Variants in TBCA observed in about 807,000 individuals in gnomAD.
TBCA encodes the protein tubulin-specific chaperone A.
Under a neutral mutation model 15.8 loss-of-function variants are expected in TBCA, and 6 were observed. The ratio of observed to expected loss-of-function variants is 0.38; its 90% CI spans 0.21 to 0.75. The LOEUF is 0.75. Ranked by LOEUF, TBCA falls within the 30% of genes least tolerant of loss-of-function variation. The probability of loss-of-function intolerance (pLI) is 0.46; values close to 1 mark genes in which losing one functional copy is unlikely to be tolerated. For missense variants in TBCA, 90 were observed against 131.2 expected, an observed-to-expected ratio of 0.69 and a Z score of 1.53; for synonymous variants, 32 against 42.3, an observed-to-expected ratio of 0.76 and a Z score of 0.94.
chr5:77,769,852 G>A (rs1420513474), intron 1 of TBCA, among the ~76,000 whole-genome samples: 3 of 152,134 alleles, frequency 2.0e-5, no homozygotes, highest in Admixed American at 6.6e-5. Flanking sequence ...ATCTACTGGT[G>A]TCACTTTCAT....
At chr5:77,739,520 C>A (rs1244442209) in intron 1 of TBCA, among the ~76,000 whole-genome samples, 1 of 152,168 alleles carries the variant, frequency 6.6e-6, no homozygotes, top group Non-Finnish European at 1.5e-5. Context: ...TGGCTGGATC[C>A]TTCCTCTTCC....
chr5:77,769,032 T>C (rs568673282), intron 1 of TBCA, among the ~76,000 whole-genome samples: 93 of 152,318 alleles, frequency 6.1e-4, no homozygotes, highest in African/African-American at 2.2e-3. Flanking sequence ...ATACCTTGTG[T>C]TGGGAAAACT....
chr5:77,720,273 A>G (rs1746498013), intron 1 of TBCA, among the ~76,000 whole-genome samples: 1 of 152,162 alleles, frequency 6.6e-6, no homozygotes. Flanking sequence ...AAAGTTCTGC[A>G]TGTGAGGGGT....
intron 1 of TBCA, among the ~76,000 whole-genome samples, chr5:77,710,274 C>T (rs1468698617): frequency 6.6e-6 from 1 of 152,120 alleles, no homozygotes; most frequent in African/African-American, 2.4e-5. Flanking sequence ...ACAACAGAAA[C>T]ATGTGAATGT....
chr5:77,738,080 G>T (rs1232029959), intron 1 of TBCA, among the ~76,000 whole-genome samples: 1 of 152,154 alleles, frequency 6.6e-6, no homozygotes, highest in Non-Finnish European at 1.5e-5. Context: ...AGGCATGAAG[G>T]CTTAAGCTCT....
intron 1 of TBCA, among the ~76,000 whole-genome samples, chr5:77,712,244 T>A (rs1164868918): frequency 6.6e-6 from 1 of 152,204 alleles, no homozygotes; most frequent in Non-Finnish European, 1.5e-5. Context: ...ATTTCCTACT[T>A]CTTGGCATCC....
intron 1 of TBCA, among the ~76,000 whole-genome samples, chr5:77,750,056 C>T (rs1747281507): frequency 6.6e-6 from 1 of 151,378 alleles, no homozygotes; most frequent in Non-Finnish European, 1.5e-5. Context: ...GAGGGTTTCT[C>T]AGCTGGGTGG....
At chr5:77,762,010 G>A (rs1044369726) in intron 1 of TBCA, among the ~76,000 whole-genome samples, 3 of 152,176 alleles carry the variant, frequency 2.0e-5, no homozygotes, top group Non-Finnish European at 2.9e-5. Flanking sequence ...CCAGGAAAAC[G>A]GAATGCCTTT....
At chr5:77,724,741 A>G (rs1746594437) in intron 1 of TBCA, among the ~76,000 whole-genome samples, 1 of 152,176 alleles carries the variant, frequency 6.6e-6, no homozygotes, top group African/African-American at 2.4e-5. Flanking sequence ...CTTTATAAAA[A>G]TTAAAACTAA....
At chr5:77,765,526 T>G (rs147820397) in intron 1 of TBCA, among the ~76,000 whole-genome samples, 7 of 152,224 alleles carry the variant, frequency 4.6e-5, no homozygotes, top group African/African-American at 1.7e-4. Context: ...TTACATGAAG[T>G]CCTTCTAAGA....
chr5:77,747,278 T>A (rs536723547), intron 1 of TBCA, among the ~76,000 whole-genome samples: 1 of 152,238 alleles, frequency 6.6e-6, no homozygotes, highest in East Asian at 1.9e-4. Context: ...ATCGAAGAAC[T>A]ACTACTTTCA....
intron 1 of TBCA, among the ~76,000 whole-genome samples, chr5:77,763,754 A>G (rs1561284968): frequency 1.3e-5 from 2 of 152,304 alleles, no homozygotes; most frequent in African/African-American, 4.8e-5. Context: ...AGCCTCCAGA[A>G]CTTTGAGAAA....
intron 3 of TBCA, 107 bp downstream of exon 3, chr5:77,693,159 A>G (rs1175215167): frequency 6.5e-7 from 1 of 1,540,816 alleles, no homozygotes; most frequent in Non-Finnish European, 8.7e-7. Flanking sequence ...GCAAGTGAAT[A>G]AGAAATACTG....
intron 1 of TBCA, among the ~76,000 whole-genome samples, chr5:77,775,957 C>T (rs933117635): frequency 1.4e-4 from 21 of 152,296 alleles, no homozygotes; most frequent in African/African-American, 5.1e-4. Context: ...GGGCCACCGC[C>T]GACTCTTCCG....
chr5:77,707,169 G>A lies in TBCA; in HGVS notation c.159+1073C>T, dbSNP rs557697944. ...AATGTCACTGATAGTTATAACAAGG[G>A]CTAGGGCACATAGTCCACTCTTACA... On this transcript the variant is annotated intron_variant, in intron 2 of 3. Coordinates refer to ENST00000380377, the MANE Select transcript of TBCA (RefSeq NM_004607.3). Among the ~76,000 whole-genome samples the A allele has an allele frequency of 4.5e-4, 68 of 152,134 alleles. No homozygotes were observed. The South Asian group carries it at 0.013, about 30-fold the overall frequency.
At chr5:77,732,650 G>T (rs1478735758) in intron 1 of TBCA, among the ~76,000 whole-genome samples, 3 of 151,300 alleles carry the variant, frequency 2.0e-5, no homozygotes. Flanking sequence ...TGCTCACTCT[G>T]TGTCTCTTAC....
intron 2 of TBCA, among the ~76,000 whole-genome samples, chr5:77,701,682 C>CATATATATATATATATATAT (rs58679612): frequency 2.0e-5 from 1 of 50,966 alleles, no homozygotes; most frequent in Non-Finnish European, 3.6e-5. Context: ...CTGTGGCATG[C>CATATATATATATATATATAT]ATATATATAT....
intron 2 of TBCA, among the ~76,000 whole-genome samples, chr5:77,700,726 T>C (rs1745992271): frequency 6.6e-6 from 1 of 152,128 alleles, no homozygotes; most frequent in Admixed American, 6.5e-5. Flanking sequence ...CCTATGGAAA[T>C]GAAAACTTAT....
At chr5:77,701,423 T>C (rs755796832) in intron 2 of TBCA, among the ~76,000 whole-genome samples, 6 of 151,852 alleles carry the variant, frequency 4.0e-5, no homozygotes, top group Non-Finnish European at 7.4e-5. Context: ...GATGTTGGTG[T>C]GCATGTGGTG....
Sources: gnomAD v4.1 joint callset for allele counts (sites outside exome capture counted in the v4.1 genomes callset) on GRCh38, gnomAD v4.1.1 for gene constraint, MANE v1.5 for transcripts, NCBI Gene and HGNC (gene_info 2026-07-23, HGNC 2026-07-21) for gene names.